Variants in PHACTR1 observed in about 807,000 individuals in gnomAD.
The protein encoded by PHACTR1 is RPEL repeat containing 1.
PHACTR1 carries 16 observed loss-of-function variants against 69.2 expected under a neutral mutation model. The observed-to-expected ratio is 0.23, with a 90% CI of 0.16 to 0.35. The LOEUF (loss-of-function observed/expected upper bound fraction) is 0.35. PHACTR1 is among the 10% of genes least tolerant of loss of function. The pLI, the probability that PHACTR1 is intolerant of heterozygous loss-of-function variation, is 1.00. For synonymous variants in PHACTR1, 312 were observed against 284.5 expected, an observed-to-expected ratio of 1.10 and a Z score of -0.97; for missense variants, 510 against 734.7, an observed-to-expected ratio of 0.69 and a Z score of 3.54.
At chr6:12,922,665 T>C (rs1787848634) in intron 4 of PHACTR1, among the ~76,000 whole-genome samples, 1 of 152,204 alleles carries the variant, frequency 6.6e-6, no homozygotes, top group Non-Finnish European at 1.5e-5. Context: ...CTTTACCCAT[T>C]CATTTTCAAT....
intron 5 of PHACTR1, among the ~76,000 whole-genome samples, chr6:13,087,839 A>G (rs977740199): frequency 1.3e-5 from 2 of 151,468 alleles, no homozygotes; most frequent in African/African-American, 4.9e-5. Context: ...TAGAGATGGG[A>G]TTTCACCGTG....
chr6:13,009,701 T>A (rs187981286), intron 4 of PHACTR1, among the ~76,000 whole-genome samples: 90 of 152,256 alleles, frequency 5.9e-4, no homozygotes, highest in Admixed American at 2.2e-3. Flanking sequence ...CTTGGGGGAT[T>A]TCAAGGTCTG....
At chr6:12,923,758 T>C (rs1050341549) in intron 4 of PHACTR1, among the ~76,000 whole-genome samples, 5 of 152,228 alleles carry the variant, frequency 3.3e-5, no homozygotes, top group African/African-American at 1.2e-4. Flanking sequence ...TTGCAATTGA[T>C]TTTAATTGTG....
intron 4 of PHACTR1, among the ~76,000 whole-genome samples, chr6:12,750,039 G>A (rs1346087150): frequency 2.6e-5 from 4 of 152,194 alleles, no homozygotes; most frequent in Non-Finnish European, 5.9e-5. Context: ...AGGAGGAAGT[G>A]CTGTCAGTGA....
intron 4 of PHACTR1, among the ~76,000 whole-genome samples, chr6:12,939,842 C>T (rs1789881768): frequency 6.6e-6 from 1 of 152,150 alleles, no homozygotes; most frequent in Admixed American, 6.5e-5. Context: ...TTATAGCCAG[C>T]AAATGTACTG....
At chr6:12,778,478 A>C (rs1002096054) in intron 4 of PHACTR1, among the ~76,000 whole-genome samples, 2 of 152,212 alleles carry the variant, frequency 1.3e-5, no homozygotes, top group Non-Finnish European at 2.9e-5. Context: ...TTATTCTTTA[A>C]ATTTACTTGG....
intron 5 of PHACTR1, among the ~76,000 whole-genome samples, chr6:13,140,881 A>G (rs1284750449): frequency 3.9e-5 from 6 of 152,190 alleles, no homozygotes; most frequent in Non-Finnish European, 7.3e-5. Context: ...CAAACTTTCT[A>G]TTTAGCCTCT....
intron 6 of PHACTR1, among the ~76,000 whole-genome samples, chr6:13,166,261 C>G (rs1583676132): frequency 6.6e-6 from 1 of 152,192 alleles, no homozygotes; most frequent in Admixed American, 6.5e-5. Flanking sequence ...ACCCCTTACC[C>G]TCCTTCTTCC....
intron 4 of PHACTR1, among the ~76,000 whole-genome samples, chr6:12,960,364 A>T (rs1239814170): frequency 6.6e-6 from 1 of 152,244 alleles, no homozygotes; most frequent in Admixed American, 6.5e-5. Context: ...CCAGTGAGTA[A>T]AGAATATGTG....
intron 4 of PHACTR1, among the ~76,000 whole-genome samples, chr6:12,928,878 T>C (rs1265068659): frequency 2.6e-5 from 4 of 152,106 alleles, no homozygotes; most frequent in African/African-American, 4.8e-5. Flanking sequence ...TGAGGAAGGA[T>C]ACATGAGTCT....
chr6:13,230,795 CTGTT>C (rs71688869), intron 10 of PHACTR1, among the ~76,000 whole-genome samples: 67,768 of 151,498 alleles, frequency 0.45, 17,685 homozygotes, highest in Non-Finnish European at 0.61. Flanking sequence ...AGTGGGCAGA[CTGTT>C]TGAGCCCAGG....
At chr6:13,137,387 C>T (rs1182398300) in intron 5 of PHACTR1, among the ~76,000 whole-genome samples, 2 of 152,168 alleles carry the variant, frequency 1.3e-5, no homozygotes, top group Non-Finnish European at 2.9e-5. Flanking sequence ...AAACCTATTC[C>T]AATGTCTTAA....
At position 12,895,060 on chromosome 6, in the gene PHACTR1, GTAAA is replaced by G. The variant is rs1175220202; in HGVS notation, c.250+145275_250+145278del. ...ATACTTGTTAAATGAATGAATGAAT[GTAAA>G]TAAACAAACCTGCAGAATTGCTTTT... On this transcript the variant is annotated intron_variant, in intron 4 of 14. Coordinates refer to ENST00000332995, the MANE Select transcript of PHACTR1 (RefSeq NM_030948.6). 4.0e-5 allele frequency among the ~76,000 whole-genome samples: 6 copies of G among 151,576 alleles called. No homozygotes were observed. The East Asian group carries it at 1.2e-3, about 29-fold the overall frequency.
At chr6:12,833,204 A>G (rs1777772266) in intron 4 of PHACTR1, among the ~76,000 whole-genome samples, 1 of 151,950 alleles carries the variant, frequency 6.6e-6, no homozygotes. Flanking sequence ...ACCTGGGCAC[A>G]TCTAAGGAAT....
intron 10 of PHACTR1, among the ~76,000 whole-genome samples, chr6:13,237,306 G>T (rs183751579): frequency 6.6e-6 from 1 of 152,136 alleles, no homozygotes; most frequent in African/African-American, 2.4e-5. Context: ...GAGCCCAGGA[G>T]GTCGAGGCTG....
rs1265182429 is a variant in PHACTR1 at position 13,243,091 on chromosome 6, T to A, written c.1391+12898T>A. On this transcript the variant is annotated intron_variant, in intron 10 of 14. Transcript: ENST00000332995. ...ATTTTAGATTATTTCTCTTGCCATTTTTTTTTCCTTTAAAATATCCCCCAA... is the reference window on the plus strand; with the variant it reads ...ATTTTAGATTATTTCTCTTGCCATTATTTTTTCCTTTAAAATATCCCCCAA... 2.6e-5 allele frequency among the ~76,000 whole-genome samples: 4 copies of A among 152,342 alleles called. No homozygotes were observed. The East Asian group carries it at 7.7e-4, about 29-fold the overall frequency.
intron 10 of PHACTR1, among the ~76,000 whole-genome samples, chr6:13,248,316 T>C (rs1273248677): frequency 2.6e-5 from 4 of 152,188 alleles, no homozygotes; most frequent in Non-Finnish European, 4.4e-5. Flanking sequence ...TAGGCAGAAA[T>C]AAAGTGAGCT....
chr6:12,940,715 C>T (rs927452149), intron 4 of PHACTR1, among the ~76,000 whole-genome samples: 7 of 152,166 alleles, frequency 4.6e-5, no homozygotes, highest in African/African-American at 1.4e-4. Context: ...TTGATCTTCA[C>T]GTTTAATGAC....
At chr6:12,742,095 G>A (rs992137589) in intron 3 of PHACTR1, among the ~76,000 whole-genome samples, 1 of 151,958 alleles carries the variant, frequency 6.6e-6, no homozygotes, top group Admixed American at 6.6e-5. Flanking sequence ...GGGATTTTTT[G>A]TCTGTTTTTA....
Sources: gnomAD v4.1 joint callset for allele counts (sites outside exome capture counted in the v4.1 genomes callset) on GRCh38, gnomAD v4.1.1 for gene constraint, MANE v1.5 for transcripts, NCBI Gene and HGNC (gene_info 2026-07-23, HGNC 2026-07-21) for gene names.